Variants in ACTN4 observed in about 807,000 individuals in gnomAD.
The protein encoded by ACTN4 is actinin alpha 4.
Under a neutral mutation model 114.2 loss-of-function variants are expected in ACTN4, and 18 were observed. The ratio of observed to expected loss-of-function variants is 0.16; its 90% CI spans 0.11 to 0.23. ACTN4 has a LOEUF of 0.23. Ranked by LOEUF, ACTN4 falls within the 10% of genes least tolerant of loss-of-function variation. The pLI, the probability that ACTN4 is intolerant of heterozygous loss-of-function variation, is 1.00. For missense variants in ACTN4, 722 were observed against 1,262.9 expected (o/e 0.57, Z 6.49); for synonymous variants, 515 against 506.3 (o/e 1.02, Z -0.23).
chr19:38,710,483 G>A lies in ACTN4; in HGVS notation c.819+141G>A, dbSNP rs986842179. On this transcript the variant is annotated intron_variant, in intron 8 of 20. Transcript: ENST00000252699. ...TGGAAGCCACCCCCAGCTCCCTGGC[G>A]TTGCTGCCCCCTCAGCCTTAGCTCA... 3.2e-5 allele frequency: 28 copies of A among 884,506 alleles called. 1 individual carries two copies. The highest frequency in any genetic ancestry group is 1.7e-4 in the Admixed American group (9 of 54,444). The allele number at this position is 884,506 out of a possible 1,614,324, so 54.8% of individuals were successfully genotyped here. A position where few individuals can be genotyped will look rare whatever the true frequency, so the allele number is the denominator to read the frequency against.
At position 38,727,917 on chromosome 19, in the gene ACTN4, G is replaced by A. The variant is rs764176900; in HGVS notation, c.2338-29G>A. 3.7e-6 allele frequency: 6 copies of A among 1,609,352 alleles called. No homozygotes were observed. Among genetic ancestry groups the A allele is most frequent in the South Asian group, 1.1e-5 (1 of 90,518 alleles). Reference sequence around the variant, plus strand: ...TCCTGGTCTCCACGCCGCCCCTCCCGCACACCTGCCTTCGGATGGCCCCGG... The same window carrying A: ...TCCTGGTCTCCACGCCGCCCCTCCCACACACCTGCCTTCGGATGGCCCCGG... On this transcript the variant is annotated intron_variant, in intron 18 of 20. Coordinates refer to ENST00000252699, the MANE Select transcript of ACTN4 (RefSeq NM_004924.6). This position sits in a 1 kb window ranked among gnomAD's most constrained non-coding sequence, Gnocchi z 5.4.
intron 1 of ACTN4, among the ~76,000 whole-genome samples, chr19:38,669,754 T>G (rs755761290): frequency 1.3e-5 from 2 of 152,106 alleles, no homozygotes; most frequent in Non-Finnish European, 2.9e-5. Context: ...CTGGTAACAG[T>G]GCCGGAGCTG....
intron 12 of ACTN4, 60 bp downstream of exon 12, chr19:38,721,748 G>T: frequency 1.2e-6 from 2 of 1,601,668 alleles, no homozygotes; most frequent in Non-Finnish European, 1.7e-6. Context: ...GCCCAGACTG[G>T]TGGCGGCAGC....
chr19:38,689,033 A>G (rs751632351), intron 1 of ACTN4, among the ~76,000 whole-genome samples: 22 of 152,162 alleles, frequency 1.4e-4, no homozygotes, highest in Non-Finnish European at 2.9e-4. Context: ...AAGTTCCTCA[A>G]ATTTTTAAAT....
intron 1 of ACTN4, among the ~76,000 whole-genome samples, chr19:38,693,033 C>G (rs1967980303): frequency 6.6e-6 from 1 of 152,180 alleles, no homozygotes; most frequent in Non-Finnish European, 1.5e-5. Flanking sequence ...GCAGTCAACC[C>G]TGAGCCTGGG....
chr19:38,730,217 T>A lies in ACTN4; in HGVS notation c.*785T>A, dbSNP rs1969468701. On this transcript the variant is annotated 3_prime_UTR_variant, in exon 21 of 21. Transcript: ENST00000252699. ...GAGAATTACTATTTACTTTATTAAC[T>A]TACGGATTTATTATATAAATATATA... The A allele has an allele frequency of 1.3e-5, 2 of 157,094 alleles. No homozygotes were observed. Among genetic ancestry groups the A allele is most frequent in the South Asian group, 3.6e-4 (2 of 5,604 alleles). 9.7% of individuals were successfully genotyped at this position (157,094 alleles called of 1,614,324 possible). A position where few individuals can be genotyped will look rare whatever the true frequency, so the allele number is the denominator to read the frequency against.
At chr19:38,700,459 G>T in intron 1 of ACTN4, 141 bp from the exon 2 acceptor site, 1 of 730,056 alleles carries the variant, frequency 1.4e-6, no homozygotes, top group Non-Finnish European at 2.5e-6. Flanking sequence ...TGTGTGTATC[G>T]GCCATGTACG....
rs374081485 is a variant in ACTN4, at chr19:38,730,893, G to A, written c.*1461G>A. On this transcript the variant is annotated 3_prime_UTR_variant, in exon 21 of 21. Transcript: ENST00000252699. The stretch of plus-strand genomic sequence containing the variant: ...ACCTCCATCCACTAAGGAAGAGAAG[G>A]AAGACAGTGGCTTGAGGCAGGGAGC... 381 of 1,551,390 alleles carry A rather than the reference G, an allele frequency of 2.5e-4. No homozygotes were observed. Among genetic ancestry groups the A allele is most frequent in the Middle Eastern group, 8.3e-4 (5 of 6,014 alleles).
At chr19:38,686,882 C>T (rs149388720) in intron 1 of ACTN4, among the ~76,000 whole-genome samples, 77 of 152,068 alleles carry the variant, frequency 5.1e-4, no homozygotes, top group Middle Eastern at 3.4e-3. Flanking sequence ...GCTCCTACCC[C>T]GGGCCGCCTA....
chr19:38,711,846 C>T (rs965736903), intron 8 of ACTN4, among the ~76,000 whole-genome samples: 2 of 152,236 alleles, frequency 1.3e-5, no homozygotes, highest in Non-Finnish European at 2.9e-5. Context: ...GGTCCCAGCC[C>T]TCCAGAGGCC....
chr19:38,692,453 G>A (rs529392231), intron 1 of ACTN4, among the ~76,000 whole-genome samples: 1 of 152,352 alleles, frequency 6.6e-6, no homozygotes, highest in African/African-American at 2.4e-5. Flanking sequence ...GAATCTGGTG[G>A]CAGTGGATCT....
chr19:38,659,250 G>C (rs140213100), intron 1 of ACTN4, among the ~76,000 whole-genome samples: 1 of 151,674 alleles, frequency 6.6e-6, no homozygotes, highest in African/African-American at 2.4e-5. Flanking sequence ...TAGGAGAGAC[G>C]GAGTTTCACC....
chr19:38,663,223 C>T (rs1355249330), intron 1 of ACTN4, among the ~76,000 whole-genome samples: 1 of 152,172 alleles, frequency 6.6e-6, no homozygotes, highest in Non-Finnish European at 1.5e-5. Flanking sequence ...ATTTTATAGC[C>T]AACCGGCTTC....
In ACTN4 at chr19:38,727,711, G is replaced by T; in HGVS notation, c.2338-235G>T. Reference sequence around the variant, plus strand: ...TGCCACCCCTGCTGTGGGCAGAGAGGTCGGGGAGGCCTCTGCCTTCCTTTG... The same window carrying T: ...TGCCACCCCTGCTGTGGGCAGAGAGTTCGGGGAGGCCTCTGCCTTCCTTTG... On this transcript the variant is annotated intron_variant, in intron 18 of 20. Transcript: ENST00000252699. The surrounding 1 kb of genome is among the most constrained non-coding windows in gnomAD (Gnocchi z 5.4). 6.9e-6 allele frequency: 4 copies of T among 580,446 alleles called. No homozygotes were observed. Among genetic ancestry groups the T allele is most frequent in the Non-Finnish European group, 1.2e-5 (4 of 323,350 alleles). 36.0% of individuals were successfully genotyped at this position (580,446 alleles called of 1,614,324 possible).
intron 1 of ACTN4, among the ~76,000 whole-genome samples, chr19:38,695,835 TGCCCCCCC>T (rs145655226): frequency 0.011 from 1,711 of 152,134 alleles, 40 homozygotes; most frequent in African/African-American, 0.037. Flanking sequence ...AGTCGCTTGG[TGCCCCCCC>T]ACCCCGCCAC....
Position 38,731,113 on chromosome 19 carries a change from T to G in ACTN4, c.*1681T>G, listed in dbSNP as rs755439724. ...ATGCCGGGGTGGTACTCACAGAAGATGCAGGTGAGGTGGGCCACACAGGAC... is the reference window on the plus strand; with the variant it reads ...ATGCCGGGGTGGTACTCACAGAAGAGGCAGGTGAGGTGGGCCACACAGGAC... On this transcript the variant is annotated 3_prime_UTR_variant, in exon 21 of 21. Transcript: ENST00000252699. The G allele has an allele frequency of 1.6e-5, 25 of 1,611,314 alleles. No individual in the cohort carries two copies. In the South Asian group the frequency reaches 2.8e-4, roughly 18 times the overall value.
chr19:38,702,394 G>T (rs1264906269), intron 3 of ACTN4, among the ~76,000 whole-genome samples: 3 of 152,186 alleles, frequency 2.0e-5, no homozygotes, highest in Non-Finnish European at 2.9e-5. Flanking sequence ...TTGGGCATTC[G>T]CGGGAGCATT....
At chr19:38,718,204 C>G in intron 11 of ACTN4, 130 bp downstream of exon 11, 3 of 1,456,230 alleles carry the variant, frequency 2.1e-6, no homozygotes, top group Non-Finnish European at 2.8e-6. Context: ...CCCTTTCTTG[C>G]TGCTTGGGAG....
In ACTN4 at chr19:38,724,215, G is replaced by T; in HGVS notation, c.1751G>T (p.Arg584Leu). 6.2e-7 allele frequency: 1 copy of T among 1,613,868 alleles called. No individual in the cohort carries two copies. Among genetic ancestry groups the T allele is most frequent in the Non-Finnish European group, 8.5e-7 (1 of 1,180,030 alleles). Residue 584 changes from arginine to leucine, a missense_variant, in exon 15 of 21, where the codon CGC (arginine) becomes CTC (leucine). Arg to Leu is a moderately radical substitution (Grantham distance 102, BLOSUM62 -2). Coordinates refer to ENST00000252699, the MANE Select transcript of ACTN4 (RefSeq NM_004924.6). This position sits in a 1 kb window ranked among gnomAD's most constrained non-coding sequence, Gnocchi z 7.0. ...ACCCTGCCGGACGCCGATAGGGAGC[G>T]CGAGGCCATCCTGGCCATCCACAAG... ...KSTLPDADRE[R>L]EAILAIHKEA...
Sources: allele counts gnomAD v4.1 joint callset (sites outside exome capture counted in the v4.1 genomes callset), GRCh38; gene constraint gnomAD v4.1.1; non-coding constraint Gnocchi (gnomAD v3.1); transcripts MANE v1.5; gene names NCBI Gene and HGNC (gene_info 2026-07-23, HGNC 2026-07-21).